The following FSTL5 variants were observed in gnomAD, a reference collection of about 807,000 sequenced individuals.
FSTL5 encodes the protein follistatin-related protein 5.
Under a neutral mutation model 89.1 loss-of-function variants are expected in FSTL5, and 62 were observed. The ratio of observed to expected loss-of-function variants is 0.70; its 90% CI spans 0.57 to 0.86. The LOEUF is 0.86. Among genes scored for constraint, FSTL5 ranks in the 40% least tolerant of loss-of-function variants. The probability of loss-of-function intolerance (pLI) is 0.00; values close to 1 mark genes in which losing one functional copy is unlikely to be tolerated. For synonymous variants in FSTL5, 383 were observed against 346.2 expected (o/e 1.11, Z -1.18); for missense variants, 1,057 against 1,001.6 (o/e 1.06, Z -0.75).
intron 2 of FSTL5, among the ~76,000 whole-genome samples, chr4:162,092,241 G>A (rs370384070): frequency 6.6e-6 from 1 of 152,060 alleles, no homozygotes; most frequent in Non-Finnish European, 1.5e-5. Flanking sequence ...TATGTTTCCA[G>A]GTGATGCTAA....
intron 10 of FSTL5, among the ~76,000 whole-genome samples, chr4:161,535,890 G>A (rs1731593426): frequency 6.6e-6 from 1 of 152,020 alleles, no homozygotes; most frequent in African/African-American, 2.4e-5. Context: ...TATACATCAT[G>A]GAATACTACT....
chr4:161,536,156 G>A lies in FSTL5; in HGVS notation c.1312+2010C>T, dbSNP rs184487073. 8.5e-4 allele frequency among the ~76,000 whole-genome samples: 129 copies of A among 152,138 alleles called. 1 individual carries two copies. The highest frequency in any genetic ancestry group is 3.0e-3 in the African/African-American group (125 of 41,500). The stretch of plus-strand genomic sequence containing the variant: ...TGGGTACTATGCTCACTACCTGGAT[G>A]ATGTGATCACTTGTACCCCAAACCC... On this transcript the variant is annotated intron_variant, in intron 10 of 15. Coordinates refer to ENST00000306100, the MANE Select transcript of FSTL5 (RefSeq NM_020116.5).
chr4:161,528,184 T>C (rs543116469), intron 10 of FSTL5, among the ~76,000 whole-genome samples: 2 of 133,206 alleles, frequency 1.5e-5, no homozygotes, highest in South Asian at 3.0e-4. Flanking sequence ...TTAGGAGATA[T>C]ACCTAATGCT....
intron 1 of FSTL5, among the ~76,000 whole-genome samples, chr4:162,116,620 T>A (rs1358106519): frequency 6.6e-6 from 1 of 152,178 alleles, no homozygotes; most frequent in Non-Finnish European, 1.5e-5. Context: ...GCTTTTGTTC[T>A]CTTTCCCAGG....
chr4:162,125,762 A>G (rs760473087), intron 1 of FSTL5, among the ~76,000 whole-genome samples: 1 of 152,064 alleles, frequency 6.6e-6, no homozygotes, highest in Admixed American at 6.5e-5. Context: ...AGCAGTGTAT[A>G]AAGTTGTTTT....
chr4:161,887,618 T>C (rs1237911811), intron 4 of FSTL5, among the ~76,000 whole-genome samples: 1 of 152,170 alleles, frequency 6.6e-6, no homozygotes, highest in Non-Finnish European at 1.5e-5. Flanking sequence ...TAAATTCATC[T>C]CTCTTCATAT....
At chr4:161,761,182 TA>T (rs1381951994) in intron 5 of FSTL5, among the ~76,000 whole-genome samples, 14 of 152,218 alleles carry the variant, frequency 9.2e-5, no homozygotes, top group Non-Finnish European at 1.5e-5. Flanking sequence ...TGGCAAGCCC[TA>T]AACTTTTGCA....
At chr4:161,606,126 T>C (rs888743911) in intron 7 of FSTL5, among the ~76,000 whole-genome samples, 1 of 150,448 alleles carries the variant, frequency 6.6e-6, no homozygotes, top group African/African-American at 2.5e-5. Flanking sequence ...AGGTTACCCA[T>C]CAGTTTAGGA....
chr4:161,754,959 C>T (rs774233047), intron 6 of FSTL5, among the ~76,000 whole-genome samples: 8 of 151,956 alleles, frequency 5.3e-5, no homozygotes, highest in African/African-American at 1.9e-4. Flanking sequence ...TTTAATTCTA[C>T]GAGAAACTTT....
intron 15 of FSTL5, chr4:161,387,056 G>T: frequency 6.6e-6 from 1 of 151,980 alleles, no homozygotes; most frequent in East Asian, 1.9e-4. Flanking sequence ...TTAAACAATT[G>T]TTTGTTTGTT....
At chr4:161,906,279 G>A (rs1733524399) in intron 4 of FSTL5, among the ~76,000 whole-genome samples, 1 of 152,060 alleles carries the variant, frequency 6.6e-6, no homozygotes, top group Non-Finnish European at 1.5e-5. Flanking sequence ...AAATTCACCA[G>A]TCTCCAGAGG....
In FSTL5 at chr4:161,447,984, A is replaced by G. The variant is rs186825249; in HGVS notation, c.1841+7020T>C. 2.8e-3 allele frequency among the ~76,000 whole-genome samples: 429 copies of G among 152,272 alleles called. 2 individuals are homozygous for G. The highest frequency in any genetic ancestry group is 0.01 in the African/African-American group (417 of 41,580). ...ATGAGATAATAGGTTCTGAAAATAC[A>G]GAGTTTGTGTTTGTTTGGAGTGGAG... is the stretch of plus-strand genomic sequence containing the variant. On this transcript the variant is annotated intron_variant, in intron 15 of 15. Transcript: ENST00000306100.
intron 2 of FSTL5, among the ~76,000 whole-genome samples, chr4:162,048,832 G>T (rs562457997): frequency 4.9e-4 from 74 of 152,212 alleles, no homozygotes; most frequent in African/African-American, 1.7e-3. Context: ...GAGTTATGGG[G>T]TTCCAAATTA....
chr4:161,432,488 C>A (rs7657110), intron 15 of FSTL5, among the ~76,000 whole-genome samples: 1 of 151,632 alleles, frequency 6.6e-6, no homozygotes, highest in Non-Finnish European at 1.5e-5. Context: ...AGCACCTATA[C>A]CAAAAAGGTA....
chr4:161,445,764 T>C (rs1377913752), intron 15 of FSTL5, among the ~76,000 whole-genome samples: 1 of 151,956 alleles, frequency 6.6e-6, no homozygotes, highest in Non-Finnish European at 1.5e-5. Flanking sequence ...TATGGTTCAT[T>C]TTAAAGGCTC....
At position 161,828,657 on chromosome 4, in the gene FSTL5, AT is replaced by A. The variant is rs1195427978; in HGVS notation, c.410-52584del. ...GTGAATTCTTCTACTAGATTATATT[AT>A]TTTCCTCTGGGGATTGAGTCATATA... On this transcript the variant is annotated intron_variant, in intron 4 of 15. Transcript: ENST00000306100. Among the ~76,000 whole-genome samples, 2 of 151,528 alleles carry A rather than the reference AT, an allele frequency of 1.3e-5. 1 individual carries two copies. Among genetic ancestry groups the A allele is most frequent in the Non-Finnish European group, 2.9e-5 (2 of 67,942 alleles).
chr4:161,672,080 C>T (rs914157315), intron 6 of FSTL5, among the ~76,000 whole-genome samples: 1 of 152,070 alleles, frequency 6.6e-6, no homozygotes, highest in African/African-American at 2.4e-5. Context: ...AAACTGCTTA[C>T]ACAGAAATGC....
At chr4:161,410,457 A>G (rs1196930441) in intron 15 of FSTL5, among the ~76,000 whole-genome samples, 2 of 152,232 alleles carry the variant, frequency 1.3e-5, no homozygotes, top group East Asian at 3.9e-4. Flanking sequence ...ATATTCTAAG[A>G]TCAACAAAAT....
rs532876504 is a variant in FSTL5, at chr4:161,506,649, C to G, written c.1339+3749G>C. ...TTTTCGTCTGTATTTCCGAACCTCC[C>G]TGGCAGTGTACATTTTTTGTGGGTA... is the stretch of plus-strand genomic sequence containing the variant. On this transcript the variant is annotated intron_variant, in intron 11 of 15. Coordinates refer to ENST00000306100, the MANE Select transcript of FSTL5 (RefSeq NM_020116.5). 6.6e-5 allele frequency among the ~76,000 whole-genome samples: 10 copies of G among 152,184 alleles called. No homozygotes were observed. The East Asian group carries it at 1.9e-3, about 29-fold the overall frequency.
Sources: allele counts gnomAD v4.1 joint callset (sites outside exome capture counted in the v4.1 genomes callset), GRCh38; gene constraint gnomAD v4.1.1; transcripts MANE v1.5; gene names NCBI Gene and HGNC (gene_info 2026-07-23, HGNC 2026-07-21).